COBL: variants seen among roughly 807,000 people sequenced by gnomAD.
The protein encoded by COBL is protein cordon-bleu.
In COBL, 51 loss-of-function variants were observed where a neutral mutation model predicts 98.8. That is an observed-to-expected ratio of 0.52 (90% confidence interval 0.41 to 0.65). The LOEUF is 0.65. Among genes scored for constraint, COBL ranks in the 30% least tolerant of loss-of-function variants. The probability of loss-of-function intolerance (pLI) is 0.00; values close to 1 mark genes in which losing one functional copy is unlikely to be tolerated. For synonymous variants in COBL, 634 were observed against 651.7 expected (o/e 0.97, Z 0.41); for missense variants, 1,617 against 1,617.5 (o/e 1.00, Z 0.01).
At chr7:51,286,376 C>T (rs1307918665) in intron 1 of COBL, among the ~76,000 whole-genome samples, 2 of 144,524 alleles carry the variant, frequency 1.4e-5, no homozygotes, top group African/African-American at 5.1e-5. Context: ...GAGCTGTATC[C>T]ACATTATATA....
intron 1 of COBL, among the ~76,000 whole-genome samples, chr7:51,256,418 C>T (rs1185214934): frequency 6.6e-6 from 1 of 152,182 alleles, no homozygotes; most frequent in South Asian, 2.1e-4. Flanking sequence ...TCAGGAGGGC[C>T]CACTGCTGGG....
At chr7:51,136,443 G>A in intron 5 of COBL, 112 bp from the exon 6 acceptor site, 1 of 1,150,232 alleles carries the variant, frequency 8.7e-7, no homozygotes, top group Non-Finnish European at 1.2e-6. Flanking sequence ...TTGAACGGCA[G>A]CTGTTTCTAC....
intron 6 of COBL, among the ~76,000 whole-genome samples, chr7:51,102,942 A>G (rs1052922747): frequency 2.0e-4 from 31 of 152,230 alleles, no homozygotes; most frequent in African/African-American, 7.2e-4. Context: ...AGGGGTACAA[A>G]GTTCCACTGA....
intron 5 of COBL, among the ~76,000 whole-genome samples, chr7:51,178,088 G>T (rs1415695898): frequency 6.6e-6 from 1 of 152,152 alleles, no homozygotes; most frequent in Non-Finnish European, 1.5e-5. Context: ...GGAGGTTGCA[G>T]TGAGCCAAGA....
intron 1 of COBL, among the ~76,000 whole-genome samples, chr7:51,305,556 C>T (rs1034828204): frequency 2.4e-5 from 3 of 126,240 alleles, no homozygotes; most frequent in African/African-American, 8.6e-5. Flanking sequence ...GGATTCTGCA[C>T]AGGTAAGTGA....
chr7:51,142,970 CA>C (rs1784678003), intron 5 of COBL, among the ~76,000 whole-genome samples: 2 of 152,000 alleles, frequency 1.3e-5, no homozygotes, highest in Admixed American at 1.3e-4. Context: ...CCAGCCAAGC[CA>C]GGGGGAGGGA....
chr7:51,139,166 G>A (rs1169010995), intron 5 of COBL, among the ~76,000 whole-genome samples: 2 of 152,074 alleles, frequency 1.3e-5, no homozygotes, highest in Non-Finnish European at 2.9e-5. Flanking sequence ...CCATAAAGTA[G>A]GTACATCCCC....
At chr7:51,108,950 ACACACACC>A (rs879267735) in intron 6 of COBL, among the ~76,000 whole-genome samples, 1,771 of 42,692 alleles carry the variant, frequency 0.041, 20 homozygotes, top group Non-Finnish European at 0.042. Context: ...ACACACACAC[ACACACACC>A]CCCTGCCCCA....
chr7:51,311,099 G>A (rs1478598126), intron 1 of COBL, among the ~76,000 whole-genome samples: 1 of 152,200 alleles, frequency 6.6e-6, no homozygotes, highest in African/African-American at 2.4e-5. Flanking sequence ...TTTGTGGTCT[G>A]GGAATCTGTC....
intron 1 of COBL, among the ~76,000 whole-genome samples, chr7:51,275,219 G>C (rs1268548862): frequency 2.6e-5 from 4 of 152,284 alleles, no homozygotes; most frequent in South Asian, 2.1e-4. Flanking sequence ...GGCTGTGGAG[G>C]GGACAGTTGC....
intron 6 of COBL, among the ~76,000 whole-genome samples, chr7:51,113,288 C>T (rs1796997292): frequency 1.3e-5 from 2 of 152,166 alleles, no homozygotes; most frequent in African/African-American, 4.8e-5. Context: ...ATACAAACCA[C>T]ATAAATAAGG....
At chr7:51,166,514 C>A (rs1405549613) in intron 5 of COBL, among the ~76,000 whole-genome samples, 1 of 152,044 alleles carries the variant, frequency 6.6e-6, no homozygotes, top group Non-Finnish European at 1.5e-5. Flanking sequence ...CTGCTAAATT[C>A]TCCCAAACAT....
At chr7:51,054,265 A>G (rs1790512088) in intron 7 of COBL, among the ~76,000 whole-genome samples, 1 of 151,468 alleles carries the variant, frequency 6.6e-6, no homozygotes, top group Non-Finnish European at 1.5e-5. Context: ...TAAATTACAA[A>G]CTTCTTTCTT....
chr7:51,184,527 G>A (rs1789301227), intron 4 of COBL, among the ~76,000 whole-genome samples: 1 of 152,202 alleles, frequency 6.6e-6, no homozygotes. Flanking sequence ...GACCACACAT[G>A]TAATTTTACA....
chr7:51,222,829 T>G (rs1471976864), intron 1 of COBL, among the ~76,000 whole-genome samples: 1 of 152,236 alleles, frequency 6.6e-6, no homozygotes, highest in Non-Finnish European at 1.5e-5. Flanking sequence ...ATTTATTCAT[T>G]TAGCCGGCAC....
intron 1 of COBL, among the ~76,000 whole-genome samples, chr7:51,221,278 C>T (rs77489407): frequency 6.6e-6 from 1 of 152,114 alleles, no homozygotes; most frequent in East Asian, 1.9e-4. Flanking sequence ...CTTCCAAAGG[C>T]ATTTGGCATG....
chr7:51,239,314 G>C (rs1795555653), intron 1 of COBL, among the ~76,000 whole-genome samples: 1 of 152,114 alleles, frequency 6.6e-6, no homozygotes, highest in African/African-American at 2.4e-5. Context: ...TCCCACCAAA[G>C]CCATGAGGCC....
chr7:51,289,128 G>A (rs1331560627), intron 1 of COBL, among the ~76,000 whole-genome samples: 1 of 152,168 alleles, frequency 6.6e-6, no homozygotes, highest in African/African-American at 2.4e-5. Context: ...GTGAGGAATG[G>A]ACAGCAACTG....
intron 4 of COBL, among the ~76,000 whole-genome samples, chr7:51,185,075 T>C (rs1789365763): frequency 6.6e-6 from 1 of 152,190 alleles, no homozygotes; most frequent in Admixed American, 6.5e-5. Context: ...CCTCAACCCC[T>C]CTTGAATTTT....
Sources: gnomAD v4.1 joint callset for allele counts (sites outside exome capture counted in the v4.1 genomes callset) on GRCh38, gnomAD v4.1.1 for gene constraint, MANE v1.5 for transcripts, NCBI Gene and HGNC (gene_info 2026-07-23, HGNC 2026-07-21) for gene names.